Variants in SH3RF1 observed in about 807,000 individuals in gnomAD.
SH3RF1 encodes SH3 domain containing ring finger 1.
SH3RF1 carries 32 observed loss-of-function variants against 74.0 expected under a neutral mutation model. The ratio of observed to expected loss-of-function variants is 0.43; its 90% confidence interval spans 0.33 to 0.58. SH3RF1 has a LOEUF of 0.58. Among genes scored for constraint, SH3RF1 ranks in the 20% least tolerant of loss-of-function variants. The pLI, the probability that SH3RF1 is intolerant of heterozygous loss-of-function variation, is 0.05. For missense variants in SH3RF1, 954 were observed against 1,130.9 expected (o/e 0.84, Z 2.24); for synonymous variants, 396 against 439.6 (o/e 0.90, Z 1.24).
chr4:169,204,682 C>T (rs1316459312), intron 2 of SH3RF1, among the ~76,000 whole-genome samples: 1 of 151,568 alleles, frequency 6.6e-6, no homozygotes, highest in Non-Finnish European at 1.5e-5. Flanking sequence ...CCCTGAGTAG[C>T]TGGGACTACA....
chr4:169,106,091 T>C (rs1234786777), intron 11 of SH3RF1, among the ~76,000 whole-genome samples: 3 of 151,438 alleles, frequency 2.0e-5, no homozygotes, highest in Non-Finnish European at 4.4e-5. Context: ...TATATATGTG[T>C]GTGTGTATAT....
intron 2 of SH3RF1, 105 bp from the exon 3 acceptor site, chr4:169,156,784 A>G (rs1282032424): frequency 2.0e-6 from 2 of 1,014,194 alleles, no homozygotes; most frequent in Admixed American, 4.9e-5. Context: ...TCAAAACCAC[A>G]CTGTAACCCT....
At chr4:169,250,608 T>C (rs1428773494) in intron 2 of SH3RF1, among the ~76,000 whole-genome samples, 1 of 152,234 alleles carries the variant, frequency 6.6e-6, no homozygotes, top group Non-Finnish European at 1.5e-5. Flanking sequence ...GGCAGTGTTC[T>C]ACCTGCTGGG....
Position 169,096,510 on chromosome 4 carries a change from T to G in SH3RF1, c.*9A>C. The G allele has an allele frequency of 6.2e-7, 1 of 1,611,796 alleles. No homozygotes were observed. The highest frequency in any genetic ancestry group is 1.3e-5 in the African/African-American group (1 of 74,946). ...GAAGTGATTTTAAGCTTCTTCAGTG[T>G]CAGTCTCCTCATATGTTTTCCACAA... On this transcript the variant is annotated 3_prime_UTR_variant, in exon 12 of 12. Transcript: ENST00000284637.
intron 2 of SH3RF1, among the ~76,000 whole-genome samples, chr4:169,175,038 T>A (rs1270126837): frequency 1.3e-5 from 2 of 152,164 alleles, no homozygotes; most frequent in African/African-American, 4.8e-5. Flanking sequence ...TTTTCCCCAA[T>A]GTTGGTAAAT....
chr4:169,236,546 C>G (rs1730826744), intron 2 of SH3RF1, among the ~76,000 whole-genome samples: 1 of 152,128 alleles, frequency 6.6e-6, no homozygotes, highest in Non-Finnish European at 1.5e-5. Flanking sequence ...GTTATGTAAC[C>G]TCTCTATGTC....
rs117495629 is a variant in SH3RF1 at position 169,269,042 on chromosome 4, G to A, written c.171C>T (p.Gly57=). The stretch of plus-strand genomic sequence containing the variant: ...TACTGGGAAGCTCCTCGACACCCGA[G>A]CCAACAAGAGTCCTGCACTCGGGAC... ...LRCPECRTLV[G]SGVEELPSNI... The change falls in exon 2 of 12, where the codon GGC becomes GGT. Residue 57 remains glycine, a synonymous_variant. Coordinates refer to ENST00000284637, the MANE Select transcript of SH3RF1 (RefSeq NM_020870.4). 7.6e-5 allele frequency: 122 copies of A among 1,614,156 alleles called. No homozygotes were observed. In the East Asian group the frequency reaches 2.7e-3, roughly 35 times the overall value.
chr4:169,202,750 AC>A (rs1484612525), intron 2 of SH3RF1, among the ~76,000 whole-genome samples: 40 of 152,116 alleles, frequency 2.6e-4, no homozygotes, highest in African/African-American at 8.9e-4. Context: ...AGAAAACCTA[AC>A]CCCTTTGAAT....
At chr4:169,108,821 C>T (rs1733192823) in intron 10 of SH3RF1, among the ~76,000 whole-genome samples, 2 of 152,322 alleles carry the variant, frequency 1.3e-5, no homozygotes, top group South Asian at 4.1e-4. Context: ...CTATCTCACC[C>T]AGTGCCTAGT....
intron 2 of SH3RF1, among the ~76,000 whole-genome samples, chr4:169,157,372 C>T (rs1281171472): frequency 6.6e-6 from 1 of 152,178 alleles, no homozygotes; most frequent in Non-Finnish European, 1.5e-5. Context: ...TTCAACTTTG[C>T]TCTTTCCTGG....
At chr4:169,231,266 C>CA (rs1730733905) in intron 2 of SH3RF1, among the ~76,000 whole-genome samples, 2 of 152,122 alleles carry the variant, frequency 1.3e-5, no homozygotes, top group South Asian at 4.1e-4. Context: ...ATTTGTTACT[C>CA]ATAAATAAAA....
intron 2 of SH3RF1, among the ~76,000 whole-genome samples, chr4:169,220,509 G>C (rs1730547624): frequency 6.6e-6 from 1 of 152,198 alleles, no homozygotes; most frequent in South Asian, 2.1e-4. Context: ...GTGGACTAGG[G>C]AGTGGGGAAG....
intron 2 of SH3RF1, among the ~76,000 whole-genome samples, chr4:169,181,114 G>GT (rs1734503180): frequency 6.6e-6 from 1 of 152,110 alleles, no homozygotes; most frequent in African/African-American, 2.4e-5. Flanking sequence ...ATACTATACA[G>GT]TGAGCCGTGC....
intron 2 of SH3RF1, among the ~76,000 whole-genome samples, chr4:169,258,756 T>C (rs577801663): frequency 2.0e-5 from 3 of 152,362 alleles, no homozygotes; most frequent in African/African-American, 7.2e-5. Flanking sequence ...AGTTTTATTA[T>C]ATAATGTTTA....
chr4:169,231,946 T>A (rs1730748987), intron 2 of SH3RF1, among the ~76,000 whole-genome samples: 1 of 152,184 alleles, frequency 6.6e-6, no homozygotes, highest in African/African-American at 2.4e-5. Context: ...TTAAAATTTT[T>A]TCCTCTAATG....
At chr4:169,215,205 T>C (rs1561055164) in intron 2 of SH3RF1, among the ~76,000 whole-genome samples, 1 of 152,216 alleles carries the variant, frequency 6.6e-6, no homozygotes, top group Non-Finnish European at 1.5e-5. Flanking sequence ...CATCTACTGG[T>C]ATGACCATAT....
intron 2 of SH3RF1, among the ~76,000 whole-genome samples, chr4:169,156,967 T>A (rs1415757910): frequency 6.6e-6 from 1 of 152,190 alleles, no homozygotes; most frequent in Non-Finnish European, 1.5e-5. Context: ...TTTGAGGTTA[T>A]CAGTATATGA....
intron 2 of SH3RF1, among the ~76,000 whole-genome samples, chr4:169,163,395 G>T (rs1437959404): frequency 1.3e-5 from 2 of 152,118 alleles, no homozygotes; most frequent in African/African-American, 2.4e-5. Context: ...AAGTACAGGA[G>T]AACCTGAGGC....
chr4:169,173,950 G>A (rs561790758), intron 2 of SH3RF1, among the ~76,000 whole-genome samples: 1 of 151,840 alleles, frequency 6.6e-6, no homozygotes, highest in African/African-American at 2.4e-5. Context: ...CCAAATACCT[G>A]ACTTTAAGGA....
Sources: gnomAD v4.1 joint callset for allele counts (sites outside exome capture counted in the v4.1 genomes callset) on GRCh38, gnomAD v4.1.1 for gene constraint, MANE v1.5 for transcripts, NCBI Gene and HGNC (gene_info 2026-07-23, HGNC 2026-07-21) for gene names.